Variants in FHIT observed in about 807,000 individuals in gnomAD.
The protein encoded by FHIT is bis(5'-adenosyl)-triphosphatase.
Under a neutral mutation model 17.9 loss-of-function variants are expected in FHIT, and 19 were observed. That is an observed-to-expected ratio of 1.06 (90% CI 0.74 to 1.56). The LOEUF is 1.56. Ranked by LOEUF, FHIT falls within the 40% of genes most tolerant of loss-of-function variation. The pLI, the probability that FHIT is intolerant of heterozygous loss-of-function variation, is 0.00. For missense variants in FHIT, 248 were observed against 189.2 expected, an observed-to-expected ratio of 1.31 and a Z score of -1.82; for synonymous variants, 81 against 69.7, an observed-to-expected ratio of 1.16 and a Z score of -0.81.
chr3:60,643,551 A>T (rs2039780086), intron 4 of FHIT, among the ~76,000 whole-genome samples: 1 of 152,158 alleles, frequency 6.6e-6, no homozygotes, highest in Non-Finnish European at 1.5e-5. Context: ...CTACATCTAG[A>T]TTCACAGATG....
intron 5 of FHIT, among the ~76,000 whole-genome samples, chr3:60,323,577 A>C (rs6808467): frequency 0.21 from 32,482 of 152,018 alleles, 3,983 homozygotes; most frequent in African/African-American, 0.34. Flanking sequence ...CAGGGAGAGG[A>C]GGAAATCCTA....
intron 2 of FHIT, among the ~76,000 whole-genome samples, chr3:61,155,646 T>A (rs1223711852): frequency 1.3e-5 from 2 of 152,226 alleles, no homozygotes; most frequent in East Asian, 1.9e-4. Flanking sequence ...AGCATGCTAC[T>A]TCATTCCTAC....
chr3:61,249,126 T>G (rs1411402987), intron 1 of FHIT, among the ~76,000 whole-genome samples: 1 of 152,146 alleles, frequency 6.6e-6, no homozygotes, highest in Non-Finnish European at 1.5e-5. Flanking sequence ...AAGAGCAAAT[T>G]AGAGGAGAAA....
At chr3:60,248,768 C>G (rs1161605077) in intron 5 of FHIT, among the ~76,000 whole-genome samples, 3 of 152,118 alleles carry the variant, frequency 2.0e-5, no homozygotes, top group African/African-American at 7.2e-5. Context: ...GAGCTAAAGG[C>G]ACTTAAAAAA....
At position 60,860,093 on chromosome 3, in the gene FHIT, T is replaced by A. The variant is rs1018669266; in HGVS notation, c.-110-38082A>T. ...TGATATATCTGATATATGATATATA[T>A]ATGATATATCTGATATATGATATAT... On this transcript the variant is annotated intron_variant, in intron 3 of 9. Transcript: ENST00000492590. Among the ~76,000 whole-genome samples the A allele has an allele frequency of 4.7e-4, 68 of 143,582 alleles. 1 individual carries two copies. The highest frequency in any genetic ancestry group is 1.9e-3 in the African/African-American group (68 of 36,400). 94.2% of individuals were successfully genotyped at this position (143,582 alleles called of 152,430 possible). A position where few individuals can be genotyped will look rare whatever the true frequency, so the allele number is the denominator to read the frequency against.
intron 5 of FHIT, among the ~76,000 whole-genome samples, chr3:60,193,153 C>T (rs781778498): frequency 2.0e-5 from 3 of 152,198 alleles, no homozygotes; most frequent in Non-Finnish European, 2.9e-5. Context: ...AATATGAACA[C>T]TTAGAATGCA....
chr3:60,368,790 C>T (rs1041986961), intron 5 of FHIT, among the ~76,000 whole-genome samples: 7 of 152,146 alleles, frequency 4.6e-5, no homozygotes, highest in African/African-American at 1.7e-4. Flanking sequence ...TATAGAACTT[C>T]TACAGTTTTT....
intron 5 of FHIT, among the ~76,000 whole-genome samples, chr3:60,258,732 A>G (rs1706145890): frequency 6.6e-6 from 1 of 152,144 alleles, no homozygotes; most frequent in African/African-American, 2.4e-5. Context: ...AAAATAGGGA[A>G]GCCTGTGTCT....
chr3:60,612,135 G>C (rs561562254), intron 4 of FHIT, among the ~76,000 whole-genome samples: 2 of 152,046 alleles, frequency 1.3e-5, no homozygotes, highest in African/African-American at 4.8e-5. Flanking sequence ...GGCATCCTAG[G>C]GGGGCTCTCC....
rs559233383 is a variant in FHIT, at chr3:60,688,148, T to A, written c.-18+133771A>T. The stretch of plus-strand genomic sequence containing the variant: ...TTTAATAGACTAGTTTAATAAACAT[T>A]TCACAATGAGATTCAGCTTTACACA... On this transcript the variant is annotated intron_variant, in intron 4 of 9. Coordinates refer to ENST00000492590, the MANE Select transcript of FHIT (RefSeq NM_002012.4). 1.8e-4 allele frequency among the ~76,000 whole-genome samples: 28 copies of A among 152,306 alleles called. No individual in the cohort carries two copies. The South Asian group carries it at 4.8e-3, about 26-fold the overall frequency.
chr3:60,281,925 C>G (rs1456012154), intron 5 of FHIT, among the ~76,000 whole-genome samples: 2 of 152,030 alleles, frequency 1.3e-5, no homozygotes, highest in Non-Finnish European at 2.9e-5. Context: ...CATCATATGT[C>G]ATTAGGGGAT....
chr3:60,967,520 A>G (rs1342866553), intron 3 of FHIT, among the ~76,000 whole-genome samples: 1 of 152,246 alleles, frequency 6.6e-6, no homozygotes, highest in African/African-American at 2.4e-5. Context: ...ATATAAATAC[A>G]TAGGTAAAAA....
chr3:59,837,331 T>C (rs1701373448), intron 8 of FHIT, among the ~76,000 whole-genome samples: 11 of 152,188 alleles, frequency 7.2e-5, no homozygotes, highest in Admixed American at 5.9e-4. Context: ...CCTATGCACA[T>C]CTTCACATAT....
chr3:59,850,506 A>G (rs1701891872), intron 8 of FHIT, among the ~76,000 whole-genome samples: 1 of 152,184 alleles, frequency 6.6e-6, no homozygotes, highest in Non-Finnish European at 1.5e-5. Context: ...CTGCACTTAA[A>G]TTACGCAGGA....
chr3:60,015,948 A>G (rs955490973), intron 5 of FHIT, among the ~76,000 whole-genome samples: 2 of 152,252 alleles, frequency 1.3e-5, no homozygotes, highest in Admixed American at 1.3e-4. Context: ...ATTAATTAGA[A>G]GAACAGCAGA....
At chr3:60,775,289 C>T (rs1413684121) in intron 4 of FHIT, among the ~76,000 whole-genome samples, 1 of 152,172 alleles carries the variant, frequency 6.6e-6, no homozygotes, top group African/African-American at 2.4e-5. Flanking sequence ...CCACCCAAGT[C>T]TCCAGCCTGT....
At chr3:60,549,667 G>A (rs976918642) in intron 4 of FHIT, among the ~76,000 whole-genome samples, 8 of 152,080 alleles carry the variant, frequency 5.3e-5, no homozygotes, top group African/African-American at 1.9e-4. Flanking sequence ...AATTTGTCAT[G>A]ACTTAGGAAT....
chr3:60,952,636 G>A lies in FHIT; in HGVS notation c.-111+89411C>T, dbSNP rs145314383. On this transcript the variant is annotated intron_variant, in intron 3 of 9. Transcript: ENST00000492590. Reference sequence around the variant, plus strand: ...TAAAATACAAAACAAAACCCAGCAGGTGCAAGAAGTGTTCTCTAACCCTCC... The same window carrying A: ...TAAAATACAAAACAAAACCCAGCAGATGCAAGAAGTGTTCTCTAACCCTCC... Among the ~76,000 whole-genome samples, 334 of 152,230 alleles carry A rather than the reference G, an allele frequency of 2.2e-3. 2 individuals are homozygous for A. Among genetic ancestry groups the A allele is most frequent in the African/African-American group, 7.6e-3 (315 of 41,540 alleles).
chr3:59,871,915 G>C (rs952719869), intron 8 of FHIT, among the ~76,000 whole-genome samples: 1 of 152,186 alleles, frequency 6.6e-6, no homozygotes. Flanking sequence ...GTCAATTTGT[G>C]ATACGTGTTA....
Sources: allele counts gnomAD v4.1 joint callset (sites outside exome capture counted in the v4.1 genomes callset), GRCh38; gene constraint gnomAD v4.1.1; transcripts MANE v1.5; gene names NCBI Gene and HGNC (gene_info 2026-07-23, HGNC 2026-07-21).